Variants in CNTN4 observed in about 807,000 individuals in gnomAD.
CNTN4 encodes the protein contactin 4, also known as contactin-4.
CNTN4 carries 77 observed loss-of-function variants against 122.5 expected under a neutral mutation model. That is an observed-to-expected ratio of 0.63 (90% CI 0.52 to 0.76). The LOEUF is 0.76. Among genes scored for constraint, CNTN4 ranks in the 30% least tolerant of loss-of-function variants. The probability of loss-of-function intolerance (pLI) is 0.00; values close to 1 mark genes in which losing one functional copy is unlikely to be tolerated. For missense variants in CNTN4, 1,256 were observed against 1,259.1 expected (o/e 1.00, Z 0.04); for synonymous variants, 512 against 447.0 (o/e 1.15, Z -1.83).
At position 2,666,629 on chromosome 3, in the gene CNTN4, A is replaced by G. The variant is rs967537320; in HGVS notation, c.56-69586A>G. On this transcript the variant is annotated intron_variant, in intron 4 of 24. Coordinates refer to ENST00000418658, the MANE Select transcript of CNTN4 (RefSeq NM_175607.3). ...TTTATTATACTTTAAGTTCTAGGGT[A>G]CATGTGCACAACGTGCAGGTTTTTT... 5.7e-4 allele frequency among the ~76,000 whole-genome samples: 87 copies of G among 152,084 alleles called. 1 individual carries two copies. Among genetic ancestry groups the G allele is most frequent in the Non-Finnish European group, 1.8e-4 (12 of 67,990 alleles).
intron 13 of CNTN4, among the ~76,000 whole-genome samples, chr3:2,943,218 C>T (rs1197460752): frequency 4.6e-5 from 7 of 152,022 alleles, no homozygotes; most frequent in Non-Finnish European, 1.0e-4. Context: ...ACAAAGTCAA[C>T]AACAAAGAAG....
chr3:2,145,735 A>G (rs1172142698), intron 2 of CNTN4, among the ~76,000 whole-genome samples: 1 of 152,150 alleles, frequency 6.6e-6, no homozygotes, highest in East Asian at 1.9e-4. Context: ...TTTGTTGAAC[A>G]TTTTCTAAGA....
chr3:2,286,694 C>G (rs1348972639), intron 2 of CNTN4, among the ~76,000 whole-genome samples: 1 of 152,096 alleles, frequency 6.6e-6, no homozygotes, highest in African/African-American at 2.4e-5. Context: ...AGCCTGAAGT[C>G]TTGGGATTAT....
At chr3:2,165,750 CTT>C (rs1057087669) in intron 2 of CNTN4, among the ~76,000 whole-genome samples, 2 of 152,054 alleles carry the variant, frequency 1.3e-5, no homozygotes, top group African/African-American at 4.8e-5. Context: ...GGGTTCAACT[CTT>C]TTGGATTCCA....
At chr3:2,713,889 C>A (rs1178818470) in intron 4 of CNTN4, among the ~76,000 whole-genome samples, 1 of 152,118 alleles carries the variant, frequency 6.6e-6, no homozygotes, top group East Asian at 1.9e-4. Context: ...CTTAAGTGTT[C>A]ACAAAGTCTC....
chr3:2,181,571 C>G (rs564567935), intron 2 of CNTN4, among the ~76,000 whole-genome samples: 1 of 152,214 alleles, frequency 6.6e-6, no homozygotes, highest in Non-Finnish European at 1.5e-5. Context: ...TAATCCAGTG[C>G]AATTTCCTCC....
Position 3,056,288 on chromosome 3 carries a change from C to T in CNTN4, c.*68C>T. The stretch of plus-strand genomic sequence containing the variant: ...ATTTAGCTAGTTGTTTTGAAGACAC[C>T]CAGTACTAAGTAATATTGTTGTTCA... On this transcript the variant is annotated 3_prime_UTR_variant, in exon 25 of 25. Transcript: ENST00000418658. The T allele has an allele frequency of 2.7e-6, 3 of 1,113,640 alleles. No homozygotes were observed. The highest frequency in any genetic ancestry group is 4.1e-6 in the Non-Finnish European group (3 of 726,938). The allele number at this position is 1,113,640 out of a possible 1,614,324, so 69.0% of individuals were successfully genotyped here. A position where few individuals can be genotyped will look rare whatever the true frequency, so the allele number is the denominator to read the frequency against.
Position 2,961,045 on chromosome 3 carries a change from A to G in CNTN4, c.1359-27300A>G, listed in dbSNP as rs573756117. ...GGAGATCGAGACCATCCTGGCTAAC[A>G]CGGTGAAACCCCGTCTCTACTAAAA... is the stretch of plus-strand genomic sequence containing the variant. On this transcript the variant is annotated intron_variant, in intron 13 of 24. Transcript: ENST00000418658. Among the ~76,000 whole-genome samples, 16 of 125,860 alleles carry G rather than the reference A, an allele frequency of 1.3e-4. No individual in the cohort carries two copies. In the South Asian group the frequency reaches 3.4e-3, roughly 27 times the overall value. 82.6% of individuals were successfully genotyped at this position (125,860 alleles called of 152,430 possible).
chr3:2,136,959 C>A (rs2034721892), intron 2 of CNTN4, among the ~76,000 whole-genome samples: 1 of 152,050 alleles, frequency 6.6e-6, no homozygotes, highest in Non-Finnish European at 1.5e-5. Flanking sequence ...AAACAAACAA[C>A]CCCTCCCCCC....
intron 7 of CNTN4, among the ~76,000 whole-genome samples, chr3:2,858,433 C>A (rs1197675357): frequency 6.6e-6 from 1 of 152,152 alleles, no homozygotes; most frequent in Non-Finnish European, 1.5e-5. Context: ...TCAAGAAAAG[C>A]CCAATATCAA....
Position 2,167,344 on chromosome 3 carries a change from A to C in CNTN4, c.-145+66705A>C, listed in dbSNP as rs569761849. 4.6e-5 allele frequency among the ~76,000 whole-genome samples: 7 copies of C among 152,286 alleles called. No homozygotes were observed. In the South Asian group the frequency reaches 1.4e-3, roughly 32 times the overall value. On this transcript the variant is annotated intron_variant, in intron 2 of 24. Transcript: ENST00000418658. ...CCTCCTATCACAACCACAACCAAAA[A>C]TAAAAAGGTAACGTGTAACAATACC...
At position 2,370,110 on chromosome 3, in the gene CNTN4, G is replaced by A. The variant is rs796453534; in HGVS notation, c.-89+30877G>A. 1.5e-4 allele frequency among the ~76,000 whole-genome samples: 23 copies of A among 152,166 alleles called. 2 individuals carry two copies. Among genetic ancestry groups the A allele is most frequent in the African/African-American group, 5.5e-4 (23 of 41,504 alleles). On this transcript the variant is annotated intron_variant, in intron 3 of 24. Transcript: ENST00000418658. Reference sequence around the variant, plus strand: ...AAATTTGGGGAAAAAATATTATTTTGCTTTCACATTCTCTCTGCTCTCTTT... The same window carrying A: ...AAATTTGGGGAAAAAATATTATTTTACTTTCACATTCTCTCTGCTCTCTTT...
chr3:2,400,562 G>A (rs1000525035), intron 3 of CNTN4, among the ~76,000 whole-genome samples: 3 of 149,132 alleles, frequency 2.0e-5, no homozygotes, highest in Non-Finnish European at 4.5e-5. Context: ...AGATACTTAA[G>A]TAAACAATAT....
Position 3,028,120 on chromosome 3 carries a change from G to A in CNTN4, c.1662+1843G>A, listed in dbSNP as rs139076121. On this transcript the variant is annotated intron_variant, in intron 15 of 24. Coordinates refer to ENST00000418658, the MANE Select transcript of CNTN4 (RefSeq NM_175607.3). ...TTGAAGTCAAGCCTATTTCAGCTTC[G>A]ACTTCCTGGGTCAGCATGGTGGAAA... is the stretch of plus-strand genomic sequence containing the variant. Among the ~76,000 whole-genome samples, 112 of 152,262 alleles carry A rather than the reference G, an allele frequency of 7.4e-4. 6 individuals are homozygous for A. In the East Asian group the frequency reaches 0.018, roughly 25 times the overall value.
chr3:2,587,834 T>C (rs549406562), intron 4 of CNTN4, among the ~76,000 whole-genome samples: 9 of 152,284 alleles, frequency 5.9e-5, no homozygotes, highest in Non-Finnish European at 1.0e-4. Context: ...CTTTCTTTTT[T>C]TTCTTGGTGT....
chr3:2,627,631 A>C (rs2600314), intron 4 of CNTN4, among the ~76,000 whole-genome samples: 10,639 of 151,568 alleles, frequency 0.07, 402 homozygotes, highest in Middle Eastern at 0.097. Context: ...GTAGTTGGGA[A>C]TACAGGTGCC....
chr3:2,221,006 A>T (rs1308775880), intron 2 of CNTN4, among the ~76,000 whole-genome samples: 1 of 152,098 alleles, frequency 6.6e-6, no homozygotes, highest in Non-Finnish European at 1.5e-5. Context: ...TAAGATTCGG[A>T]CTGGGGCCAT....
At chr3:2,300,319 C>A (rs1445372999) in intron 2 of CNTN4, among the ~76,000 whole-genome samples, 3 of 151,964 alleles carry the variant, frequency 2.0e-5, no homozygotes, top group Non-Finnish European at 4.4e-5. Flanking sequence ...TGCATAATGT[C>A]CTGAAAGTTC....
chr3:2,583,618 T>C (rs2080046476), intron 4 of CNTN4, among the ~76,000 whole-genome samples: 1 of 152,238 alleles, frequency 6.6e-6, no homozygotes, highest in Admixed American at 6.5e-5. Context: ...TTTGATACAG[T>C]GGCAAAGAAT....
Sources: gnomAD v4.1 joint callset for allele counts (sites outside exome capture counted in the v4.1 genomes callset) on GRCh38, gnomAD v4.1.1 for gene constraint, MANE v1.5 for transcripts, NCBI Gene and HGNC (gene_info 2026-07-23, HGNC 2026-07-21) for gene names.